IMPDH1: variants seen among roughly 807,000 people sequenced by gnomAD.
IMPDH1 encodes inosine monophosphate dehydrogenase 1.
Under a neutral mutation model 73.5 loss-of-function variants are expected in IMPDH1, and 41 were observed. That is an observed-to-expected ratio of 0.56 (90% confidence interval 0.43 to 0.72). The LOEUF is 0.72. Among genes scored for constraint, IMPDH1 ranks in the 30% least tolerant of loss-of-function variants. IMPDH1 has a pLI of 0.00. For missense variants in IMPDH1, 645 were observed against 824.8 expected (o/e 0.78, Z 2.67); for synonymous variants, 318 against 334.3 (o/e 0.95, Z 0.53).
rs1798087958 is a variant in IMPDH1 at position 128,398,532 on chromosome 7, G to A, written c.956C>T (p.Pro319Leu). The A allele has an allele frequency of 6.2e-7, 1 of 1,613,652 alleles. No individual in the cohort carries two copies. The highest frequency in any genetic ancestry group is 1.7e-5 in the Admixed American group (1 of 59,992). Reference protein sequence around the residue: ...RTDLKKNRDYPLASKDSQKQL... With the variant: ...RTDLKKNRDYLLASKDSQKQL... ...CTTCTGGGAATCCTTGGAGGCCAGA[G>A]GGTAGTCTCGGTTCTTCTTCAGGTC... The change falls in exon 10 of 17, where the codon CCT becomes CTT. Residue 319 changes from proline (P) to leucine (L), a missense_variant. Pro to Leu is a moderately conservative substitution (Grantham distance 98). Transcript: ENST00000338791. The surrounding 1 kb of genome is among the most constrained non-coding windows in gnomAD (Gnocchi z 4.3).
At chr7:128,400,220 TGAGA>T in intron 8 of IMPDH1, 38 bp from the exon 9 acceptor site, 9 of 1,612,648 alleles carry the variant, frequency 5.6e-6, no homozygotes, top group Non-Finnish European at 7.6e-6. Context: ...GGTTGGCAGG[TGAGA>T]GAGAAGGAGC....
Position 128,398,972 on chromosome 7 carries a change from C to G in IMPDH1, c.875-359G>C, listed in dbSNP as rs547300216. Among the ~76,000 whole-genome samples the G allele has an allele frequency of 6.6e-6, 1 of 152,310 alleles. No individual in the cohort carries two copies. Among genetic ancestry groups the G allele is most frequent in the East Asian group, 1.9e-4 (1 of 5,176 alleles). On this transcript the variant is annotated intron_variant, in intron 9 of 16. Transcript: ENST00000338791. The surrounding 1 kb of genome is among the most constrained non-coding windows in gnomAD (Gnocchi z 4.3). ...CTGCAGGGAGAAGCATGTGCCCTGT[C>G]CAATACAGACACCAAAGAACCCTCC...
chr7:128,408,305 C>T (rs1798908695), intron 3 of IMPDH1, among the ~76,000 whole-genome samples: 1 of 152,186 alleles, frequency 6.6e-6, no homozygotes, highest in Non-Finnish European at 1.5e-5. Flanking sequence ...TTTCAAAACA[C>T]TCTTGAGGGG....
In IMPDH1 at chr7:128,396,792, C is replaced by G. The variant is rs905598909; in HGVS notation, c.1166-97G>C. On this transcript the variant is annotated intron_variant, in intron 11 of 16. Coordinates refer to ENST00000338791, the MANE Select transcript of IMPDH1 (RefSeq NM_000883.4). The surrounding 1 kb of genome is among the most constrained non-coding windows in gnomAD (Gnocchi z 4.0). ...ACCCCAGTCTAGCACCCCCCAACCC[C>G]CCTACAGTGACCAAAGCCCATCATG... The G allele has an allele frequency of 3.3e-6, 4 of 1,227,954 alleles. No homozygotes were observed. In the African/African-American group the frequency reaches 6.0e-5, roughly 18 times the overall value. The allele number at this position is 1,227,954 out of a possible 1,614,324, so 76.1% of individuals were successfully genotyped here. A position where few individuals can be genotyped will look rare whatever the true frequency, so the allele number is the denominator to read the frequency against.
At chr7:128,400,711 G>C in intron 7 of IMPDH1, 106 bp downstream of exon 7, 1 of 1,187,812 alleles carries the variant, frequency 8.4e-7, no homozygotes, top group African/African-American at 1.5e-5. Context: ...TGAGAGGAAG[G>C]ACACGCAGGG....
At chr7:128,397,647 G>A (rs747736469) in intron 10 of IMPDH1, among the ~76,000 whole-genome samples, 1 of 152,128 alleles carries the variant, frequency 6.6e-6, no homozygotes, top group Non-Finnish European at 1.5e-5. Context: ...ACTCACAAGG[G>A]ATCAATAAGC....
At chr7:128,400,009 G>A (rs371828698) in intron 9 of IMPDH1, 86 bp downstream of exon 9, 1 of 1,075,608 alleles carries the variant, frequency 9.3e-7, no homozygotes, top group South Asian at 1.2e-5. Context: ...TGGTTGCTGG[G>A]ATAACCTGTA....
intron 3 of IMPDH1, among the ~76,000 whole-genome samples, chr7:128,406,454 G>A (rs1259573964): frequency 1.3e-5 from 2 of 151,788 alleles, no homozygotes; most frequent in South Asian, 2.1e-4. Flanking sequence ...CTGAGAAACC[G>A]GTCTGGGCTC....
At chr7:128,403,880 C>A in intron 4 of IMPDH1, 126 bp from the exon 5 acceptor site, 2 of 808,034 alleles carry the variant, frequency 2.5e-6, no homozygotes, top group East Asian at 2.5e-5. Context: ...TACAGCCCCC[C>A]ATCCCTACTG....
intron 1 of IMPDH1, 56 bp from the exon 2 acceptor site, chr7:128,409,540 C>G: frequency 1.9e-6 from 3 of 1,595,362 alleles, no homozygotes; most frequent in Non-Finnish European, 2.6e-6. Context: ...CTCCCCCGTG[C>G]AACGAAGCAC....
At chr7:128,399,969 G>A (rs557516288) in intron 9 of IMPDH1, 126 bp downstream of exon 9, 1 of 810,978 alleles carries the variant, frequency 1.2e-6, no homozygotes, top group South Asian at 1.3e-5. Flanking sequence ...GCCTGCCTGA[G>A]GTTATTCGAA....
At chr7:128,400,045 T>G (rs752529444) in intron 9 of IMPDH1, 50 bp downstream of exon 9, 1 of 1,374,992 alleles carries the variant, frequency 7.3e-7, no homozygotes, top group Non-Finnish European at 1.0e-6. Flanking sequence ...AACGGGACTG[T>G]GGACAGGGAG....
At chr7:128,393,843 A>C in intron 16 of IMPDH1, 1 of 297,080 alleles carries the variant, frequency 3.4e-6, no homozygotes, top group Non-Finnish European at 6.6e-6. Context: ...TACTGCTGCC[A>C]ACGAGCACTG....
intron 12 of IMPDH1, 60 bp from the exon 13 acceptor site, chr7:128,395,334 G>T: frequency 6.3e-7 from 1 of 1,592,862 alleles, no homozygotes; most frequent in Non-Finnish European, 8.6e-7. Context: ...GGGGCCTGGA[G>T]CGGGGCCAGC....
chr7:128,397,151 GTTTTTTT>G (rs200212855), intron 10 of IMPDH1, 129 bp from the exon 11 acceptor site: 1 of 517,876 alleles, frequency 1.9e-6, no homozygotes, highest in Non-Finnish European at 3.4e-6. Context: ...CCTTCTGGTT[GTTTTTTT>G]TTTTTTTTTT....
intron 6 of IMPDH1, 57 bp from the exon 7 acceptor site, chr7:128,400,948 C>T (rs896097537): frequency 3.1e-6 from 5 of 1,598,438 alleles, no homozygotes; most frequent in Non-Finnish European, 3.4e-6. Flanking sequence ...CAGCCCTGCC[C>T]CTCAGCACAG....
chr7:128,406,242 C>T (rs1798753062), intron 3 of IMPDH1, among the ~76,000 whole-genome samples: 1 of 149,328 alleles, frequency 6.7e-6, no homozygotes. Flanking sequence ...GCCCCCTCCG[C>T]CGCTCTACAT....
intron 5 of IMPDH1, among the ~76,000 whole-genome samples, chr7:128,403,333 G>A (rs1024984488): frequency 1.3e-5 from 2 of 152,162 alleles, no homozygotes; most frequent in Non-Finnish European, 2.9e-5. Context: ...TGAGGCGGAC[G>A]GATCACTTGA....
In IMPDH1 at chr7:128,396,949, T is replaced by C; in HGVS notation, c.1148A>G (p.Gln383Arg). The change falls in exon 11 of 17, where the codon CAG (glutamine) becomes CGG (arginine). Residue 383 changes from glutamine to arginine, a missense_variant. By Grantham distance (43) the Gln-to-Arg change is conservative (BLOSUM62 1). Transcript: ENST00000338791. This position sits in a 1 kb window ranked among gnomAD's most constrained non-coding sequence, Gnocchi z 4.0. ...HYIKQKYPHL[Q>R]VIGGNVVTAA... is the part of the protein sequence containing the mutation. ...GCACTCACCGTTCCCCCCAATCACC[T>C]GGAGGTGGGGGTACTTCTGTTTGAT... 1.2e-6 allele frequency: 2 copies of C among 1,613,278 alleles called. No individual in the cohort carries two copies. The highest frequency in any genetic ancestry group is 1.7e-6 in the Non-Finnish European group (2 of 1,179,440).
Sources: allele counts gnomAD v4.1 joint callset (sites outside exome capture counted in the v4.1 genomes callset), GRCh38; gene constraint gnomAD v4.1.1; non-coding constraint Gnocchi (gnomAD v3.1); transcripts MANE v1.5; gene names NCBI Gene and HGNC (gene_info 2026-07-23, HGNC 2026-07-21).